The following ADGRV1 variants were observed in gnomAD, a reference collection of about 807,000 sequenced individuals.
The protein encoded by ADGRV1 is G-protein coupled receptor 98.
Under a neutral mutation model 596.2 loss-of-function variants are expected in ADGRV1, and 359 were observed. The observed-to-expected ratio is 0.60, with a 90% CI of 0.55 to 0.66. ADGRV1 has a LOEUF of 0.66. ADGRV1 is among the 30% of genes least tolerant of loss of function. The pLI, the probability that ADGRV1 is intolerant of heterozygous loss-of-function variation, is 0.00. For synonymous variants in ADGRV1, 2,681 were observed against 2,679.2 expected, an observed-to-expected ratio of 1.00 and a Z score of -0.02; for missense variants, 7,274 against 7,575.6, an observed-to-expected ratio of 0.96 and a Z score of 1.48.
chr5:90,806,364 C>T (rs982367046), intron 72 of ADGRV1, among the ~76,000 whole-genome samples: 1 of 152,090 alleles, frequency 6.6e-6, no homozygotes, highest in Non-Finnish European at 1.5e-5. Context: ...CATAGGTGCC[C>T]CTGATGTGAT....
At chr5:91,078,279 G>A (rs772178385) in intron 86 of ADGRV1, among the ~76,000 whole-genome samples, 2 of 152,126 alleles carry the variant, frequency 1.3e-5, no homozygotes, top group African/African-American at 4.8e-5. Flanking sequence ...AAAGTTGAGT[G>A]CCTTTTTTAC....
chr5:90,678,638 C>T (rs1371926896), intron 25 of ADGRV1, among the ~76,000 whole-genome samples: 5 of 146,298 alleles, frequency 3.4e-5, no homozygotes, highest in East Asian at 2.0e-4. Context: ...TACATAATAA[C>T]GTAGTGGAAG....
intron 83 of ADGRV1, among the ~76,000 whole-genome samples, chr5:90,963,414 CATA>C (rs1778188326): frequency 6.6e-6 from 1 of 151,792 alleles, no homozygotes; most frequent in Non-Finnish European, 1.5e-5. Context: ...AAAATATAAG[CATA>C]ATCTCTAATA....
chr5:90,802,795 C>G lies in ADGRV1; in HGVS notation c.14574C>G (p.Val4858=). The G allele has an allele frequency of 6.2e-7, 1 of 1,612,828 alleles. No individual in the cohort carries two copies. Among genetic ancestry groups the G allele is most frequent in the Non-Finnish European group, 8.5e-7 (1 of 1,179,392 alleles). The part of the protein sequence containing the change: ...FTLQLVTVML[V]GGRFYGMPTI... ...TGCAACTGGTGACTGTGATGCTTGT[C>G]GGTGGACGTTTCTATGGAATGCCAA... The change falls in exon 71 of 90, where the codon GTC becomes GTG. Residue 4858 remains valine, a synonymous_variant. Coordinates refer to ENST00000405460, the MANE Select transcript of ADGRV1 (RefSeq NM_032119.4).
Position 90,592,473 on chromosome 5 carries a change from G to A in ADGRV1, c.23-22362G>A, listed in dbSNP as rs185746205. 4.0e-3 allele frequency among the ~76,000 whole-genome samples: 615 copies of A among 152,318 alleles called. 1 individual carries two copies. Among genetic ancestry groups the A allele is most frequent in the Middle Eastern group, 0.017 (5 of 294 alleles). On this transcript the variant is annotated intron_variant, in intron 1 of 89. Transcript: ENST00000405460. ...TGGAAAGGGTGGTAGGAGGGTGAGGGATAAAAGACTACACGTTGGGTTTAA... is the reference window on the plus strand; with the variant it reads ...TGGAAAGGGTGGTAGGAGGGTGAGGAATAAAAGACTACACGTTGGGTTTAA...
chr5:90,883,915 C>A lies in ADGRV1; in HGVS notation c.17856+20058C>A, dbSNP rs572387345. ...TAGTTTGACAGTCGAGTTCTCTTCT[C>A]CTCCTTGCATGTAGCCCTTAGTTTG... On this transcript the variant is annotated intron_variant, in intron 83 of 89. Transcript: ENST00000405460. 1.1e-3 allele frequency among the ~76,000 whole-genome samples: 169 copies of A among 152,240 alleles called. 2 individuals carry two copies. The highest frequency in any genetic ancestry group is 3.9e-3 in the African/African-American group (163 of 41,556).
intron 80 of ADGRV1, among the ~76,000 whole-genome samples, 164 bp downstream of exon 80, chr5:90,853,697 T>C (rs748061696): frequency 6.6e-5 from 10 of 152,240 alleles, no homozygotes; most frequent in Non-Finnish European, 1.0e-4. Context: ...AAAGTTTAGT[T>C]TCTAAATGAG....
rs527371165 is a variant in ADGRV1, at chr5:90,777,798, G to C, written c.12528-107G>C. 46 of 1,046,606 alleles carry C rather than the reference G, an allele frequency of 4.4e-5. No individual in the cohort carries two copies. In the African/African-American group the frequency reaches 5.9e-4, roughly 13 times the overall value. The allele number at this position is 1,046,606 out of a possible 1,614,324, so 64.8% of individuals were successfully genotyped here. On this transcript the variant is annotated intron_variant, in intron 61 of 89. Coordinates refer to ENST00000405460, the MANE Select transcript of ADGRV1 (RefSeq NM_032119.4). The stretch of plus-strand genomic sequence containing the variant: ...AAATGAGGTTATTTAAAAGAAAACT[G>C]TTATTGAAATGGATGAAAATTGATT...
chr5:91,141,096 AAAG>A (rs765081499), intron 87 of ADGRV1, among the ~76,000 whole-genome samples: 115 of 152,344 alleles, frequency 7.5e-4, no homozygotes, highest in Admixed American at 1.3e-3. Flanking sequence ...TGGTGTATAA[AAAG>A]AAGAATACCT....
chr5:90,594,866 A>T (rs1305437412), intron 1 of ADGRV1, among the ~76,000 whole-genome samples: 1 of 150,626 alleles, frequency 6.6e-6, no homozygotes, highest in East Asian at 1.9e-4. Context: ...GAAAATGAAA[A>T]GTCTCCCATG....
chr5:90,859,583 G>T (rs1367734834), intron 82 of ADGRV1, among the ~76,000 whole-genome samples: 3 of 151,892 alleles, frequency 2.0e-5, no homozygotes, highest in African/African-American at 7.3e-5. Flanking sequence ...CAGGCACCGT[G>T]CCGGGATAAT....
intron 83 of ADGRV1, among the ~76,000 whole-genome samples, chr5:90,941,751 G>A (rs1045436964): frequency 2.0e-5 from 3 of 152,174 alleles, no homozygotes; most frequent in Admixed American, 1.3e-4. Context: ...CCACAGCTAA[G>A]TTAGGCGTGT....
At chr5:90,959,423 A>G (rs1000104401) in intron 83 of ADGRV1, among the ~76,000 whole-genome samples, 2 of 152,192 alleles carry the variant, frequency 1.3e-5, no homozygotes, top group African/African-American at 4.8e-5. Context: ...AGTTCTCCCC[A>G]GATTGAAATT....
At chr5:90,859,166 G>A (rs1767308526) in intron 82 of ADGRV1, among the ~76,000 whole-genome samples, 1 of 152,114 alleles carries the variant, frequency 6.6e-6, no homozygotes, top group African/African-American at 2.4e-5. Flanking sequence ...GGGCGCAGGA[G>A]TTCCTACTAT....
intron 83 of ADGRV1, among the ~76,000 whole-genome samples, chr5:90,914,371 C>G (rs1372952811): frequency 1.3e-5 from 2 of 152,154 alleles, no homozygotes; most frequent in Admixed American, 1.3e-4. Flanking sequence ...AGAGACTCGT[C>G]TCATTTAAAC....
intron 58 of ADGRV1, chr5:90,759,813 A>G (rs1756276373): frequency 2.1e-6 from 1 of 467,456 alleles, no homozygotes; most frequent in Admixed American, 3.3e-5. Context: ...GAAAGTACAA[A>G]AATTAGCTGG....
At chr5:90,807,907 A>C (rs754090835) in intron 73 of ADGRV1, among the ~76,000 whole-genome samples, 170 bp downstream of exon 73, 2 of 152,176 alleles carry the variant, frequency 1.3e-5, no homozygotes, top group African/African-American at 2.4e-5. Context: ...GGCTCTTAGG[A>C]GCCCCACCAC....
rs759954556 is a variant in ADGRV1 at position 90,690,820 on chromosome 5, G to A, written c.6730G>A (p.Val2244Ile). Residue 2244 changes from valine to isoleucine, a missense_variant, in exon 31 of 90, where the codon GTA (valine) becomes ATA (isoleucine). Physicochemically the swap from Val to Ile is conservative, Grantham distance 29 (BLOSUM62 3). This residue lies in a region of ADGRV1 where 3,643 missense variants were observed against 3,809.2 expected (regional missense o/e 0.96). Transcript: ENST00000405460. ...AGGTTTTCAGATTACTAAACTTATT[G>A]TAGAGGAACCTGAGTTTAACTCAGT... ...LFGFQITKLIVEEPEFNSVKV... is the reference protein window; with the variant it reads ...LFGFQITKLIIEEPEFNSVKV... 1.6e-5 allele frequency: 26 copies of A among 1,598,146 alleles called. No individual in the cohort carries two copies. The highest frequency in any genetic ancestry group is 1.6e-4 in the Middle Eastern group (1 of 6,070).
chr5:90,700,316 A>T (rs1747748402), intron 34 of ADGRV1, among the ~76,000 whole-genome samples: 1 of 152,176 alleles, frequency 6.6e-6, no homozygotes, highest in Admixed American at 6.5e-5. Flanking sequence ...TAGATTTAAA[A>T]TGTGGACTAT....
Sources: allele counts gnomAD v4.1 joint callset (sites outside exome capture counted in the v4.1 genomes callset), GRCh38; gene constraint gnomAD v4.1.1; regional missense constraint gnomAD v4.1.1; transcripts MANE v1.5; gene names NCBI Gene and HGNC (gene_info 2026-07-23, HGNC 2026-07-21).